Variants in MYH11 observed in about 807,000 individuals in gnomAD.
MYH11 encodes myosin heavy chain 11.
A neutral mutation model predicts 246.6 loss-of-function variants in MYH11; 80 were observed. That is an observed-to-expected ratio of 0.32 (90% CI 0.27 to 0.39). The LOEUF (loss-of-function observed/expected upper bound fraction) is 0.39, where lower values mean the gene tolerates loss of function less well. Among genes scored for constraint, MYH11 ranks in the 10% least tolerant of loss-of-function variants. MYH11 has a pLI of 1.00. For missense variants in MYH11, 2,158 were observed against 2,546.8 expected, an observed-to-expected ratio of 0.85 and a Z score of 3.29; for synonymous variants, 1,071 against 1,015.5, an observed-to-expected ratio of 1.05 and a Z score of -1.04.
intron 40 of MYH11, among the ~76,000 whole-genome samples, chr16:15,710,093 C>T (rs1044957826): frequency 6.6e-6 from 1 of 152,206 alleles, no homozygotes; most frequent in Admixed American, 6.5e-5. Flanking sequence ...CAGGACAGAC[C>T]TTCCACCTGC....
At position 15,720,910 on chromosome 16, in the gene MYH11, C is replaced by T. The variant is rs1266271367; in HGVS notation, c.4720G>A (p.Gly1574Ser). 4 of 1,613,878 alleles carry T rather than the reference C, an allele frequency of 2.5e-6. No individual in the cohort carries two copies. In the African/African-American group the frequency reaches 5.3e-5, roughly 22 times the overall value. ...GCTTGGAGATCCCTTTCGAACTGGC[C>T]CTTGAGCGCCTGCATGTTGACTTCC... ...RLEVNMQALKGQFERDLQARD... is the reference protein window; with the variant it reads ...RLEVNMQALKSQFERDLQARD... The change falls in exon 33 of 41, where the codon GGC becomes AGC. Residue 1574 changes from glycine to serine, a missense_variant. By Grantham distance (56) the Gly-to-Ser change is moderately conservative. Coordinates refer to ENST00000300036, the MANE Select transcript of MYH11 (RefSeq NM_002474.3).
intron 19 of MYH11, 90 bp downstream of exon 19, chr16:15,747,480 G>C (rs2041449408): frequency 6.8e-7 from 1 of 1,473,688 alleles, no homozygotes; most frequent in Non-Finnish European, 9.5e-7. Flanking sequence ...ATCTTAAACA[G>C]GTGGCCTCTT....
intron 3 of MYH11, among the ~76,000 whole-genome samples, chr16:15,800,621 A>G (rs2042861672): frequency 6.6e-6 from 1 of 150,946 alleles, no homozygotes; most frequent in Non-Finnish European, 1.5e-5. Flanking sequence ...GGATGGATGG[A>G]TGGATGGATG....
chr16:15,719,439 C>T lies in MYH11; in HGVS notation c.5083-131G>A. 6.1e-6 allele frequency: 9 copies of T among 1,479,684 alleles called. No individual in the cohort carries two copies. The South Asian group carries it at 6.9e-5, about 11-fold the overall frequency. The allele number at this position is 1,479,684 out of a possible 1,614,324, so 91.7% of individuals were successfully genotyped here. A position where few individuals can be genotyped will look rare whatever the true frequency, so the allele number is the denominator to read the frequency against. On this transcript the variant is annotated intron_variant, in intron 35 of 40. Transcript: ENST00000300036. The stretch of plus-strand genomic sequence containing the variant: ...GAGCTCAGGGGAGGCCCCGTGAATA[C>T]ATAGAGGAGGGAAGCGTGTGTCTTT...
intron 8 of MYH11, among the ~76,000 whole-genome samples, chr16:15,773,427 G>T (rs1399734086): frequency 6.6e-6 from 1 of 151,404 alleles, no homozygotes; most frequent in Non-Finnish European, 1.5e-5. Context: ...TGGGATTACA[G>T]GCACCCACCA....
intron 2 of MYH11, among the ~76,000 whole-genome samples, chr16:15,825,715 C>T (rs935606947): frequency 2.6e-5 from 4 of 152,166 alleles, no homozygotes; most frequent in Middle Eastern, 3.4e-3. Flanking sequence ...ATAATCAGAT[C>T]AGGGACGGAG....
At chr16:15,720,478 G>T (rs760821068) in intron 33 of MYH11, among the ~76,000 whole-genome samples, 166 bp from the exon 34 acceptor site, 3 of 152,070 alleles carry the variant, frequency 2.0e-5, no homozygotes, top group Non-Finnish European at 4.4e-5. Flanking sequence ...GGGCGTGGGT[G>T]GCTCATGTCT....
At chr16:15,769,745 C>G (rs2042057807) in intron 9 of MYH11, among the ~76,000 whole-genome samples, 1 of 152,190 alleles carries the variant, frequency 6.6e-6, no homozygotes, top group African/African-American at 2.4e-5. Flanking sequence ...TAAATGGTCT[C>G]ATTGTTTTCT....
At chr16:15,724,820 G>A (rs1024659152) in intron 29 of MYH11, 21 bp from the exon 30 acceptor site, 1 of 1,613,742 alleles carries the variant, frequency 6.2e-7, no homozygotes, top group Non-Finnish European at 8.5e-7. Flanking sequence ...GATGCAAAGA[G>A]GTCCCAGGGA....
chr16:15,734,667 A>T (rs189743799), intron 26 of MYH11, among the ~76,000 whole-genome samples: 1 of 152,330 alleles, frequency 6.6e-6, no homozygotes, highest in East Asian at 1.9e-4. Context: ...AAGCTTACCA[A>T]TGAGGATGGT....
chr16:15,814,744 T>C (rs2043225167), intron 3 of MYH11, among the ~76,000 whole-genome samples: 1 of 151,546 alleles, frequency 6.6e-6, no homozygotes, highest in African/African-American at 2.4e-5. Flanking sequence ...AAGGACTGGG[T>C]CAAATATAAG....
intron 4 of MYH11, among the ~76,000 whole-genome samples, chr16:15,796,891 C>T (rs1030327490): frequency 1.3e-5 from 2 of 152,138 alleles, no homozygotes; most frequent in Non-Finnish European, 2.9e-5. Context: ...CATTTATATC[C>T]TCATAGCTAG....
chr16:15,778,863 G>T lies in MYH11; in HGVS notation c.727-20C>A, dbSNP rs1020399570. 6.2e-7 allele frequency: 1 copy of T among 1,613,736 alleles called. No homozygotes were observed. The highest frequency in any genetic ancestry group is 2.2e-5 in the East Asian group (1 of 44,848). On this transcript the variant is annotated intron_variant, in intron 6 of 40. Transcript: ENST00000300036. ...TTTGCCCTGCCAACAGGAAAACACA[G>T]TTCAGGCTTTGCTGCCCAACTTCAG...
At chr16:15,766,787 G>A (rs2041993087) in intron 9 of MYH11, among the ~76,000 whole-genome samples, 1 of 152,184 alleles carries the variant, frequency 6.6e-6, no homozygotes, top group South Asian at 2.1e-4. Flanking sequence ...TGTAATTCCA[G>A]AAATGACAAA....
At position 15,856,333 on chromosome 16, in the gene MYH11, T is replaced by TAAA. The variant is rs548513969; in HGVS notation, c.-18+605_-18+607dup. 1.9e-3 allele frequency among the ~76,000 whole-genome samples: 268 copies of TAAA among 140,872 alleles called. 4 individuals are homozygous for TAAA. Among genetic ancestry groups the TAAA allele is most frequent in the African/African-American group, 6.4e-3 (246 of 38,534 alleles). 92.4% of individuals were successfully genotyped at this position (140,872 alleles called of 152,430 possible). Reference sequence around the variant, plus strand: ...ATAGAAGAACCTCCCCTAAACTGATTAAAAAAAAAAAACAACAACACTCCT... The same window carrying TAAA: ...ATAGAAGAACCTCCCCTAAACTGATTAAAAAAAAAAAAAAACAACAACACTCCT... On this transcript the variant is annotated intron_variant, in intron 1 of 40. Coordinates refer to ENST00000300036, the MANE Select transcript of MYH11 (RefSeq NM_002474.3).
chr16:15,833,031 C>CCA, intron 2 of MYH11, among the ~76,000 whole-genome samples: 1 of 121,056 alleles, frequency 8.3e-6, no homozygotes, highest in South Asian at 2.8e-4. Flanking sequence ...GGCACAATAT[C>CCA]ATGCCTGTAA....
At chr16:15,845,330 C>T (rs1201627901) in intron 1 of MYH11, among the ~76,000 whole-genome samples, 1 of 139,734 alleles carries the variant, frequency 7.2e-6, no homozygotes, top group Non-Finnish European at 1.5e-5. Context: ...CATCAGCTAT[C>T]ATTAGTGCTA....
chr16:15,716,554 C>G (rs1244555982), intron 38 of MYH11, among the ~76,000 whole-genome samples: 1 of 152,034 alleles, frequency 6.6e-6, no homozygotes, highest in Non-Finnish European at 1.5e-5. Flanking sequence ...AAGGGTCCCA[C>G]TGTGTCACCC....
chr16:15,756,532 G>A lies in MYH11; in HGVS notation c.1576-18C>T. 2.5e-6 allele frequency: 4 copies of A among 1,614,000 alleles called. No homozygotes were observed. Among genetic ancestry groups the A allele is most frequent in the Non-Finnish European group, 3.4e-6 (4 of 1,179,964 alleles). ...GGGTTGTTCTGTGGGAGACAAGTAGGGCTTGAATCAGAGAGAACACCCAAC... is the reference window on the plus strand; with the variant it reads ...GGGTTGTTCTGTGGGAGACAAGTAGAGCTTGAATCAGAGAGAACACCCAAC... On this transcript the variant is annotated intron_variant, in intron 13 of 40. Transcript: ENST00000300036.
Sources: allele counts gnomAD v4.1 joint callset (sites outside exome capture counted in the v4.1 genomes callset), GRCh38; gene constraint gnomAD v4.1.1; transcripts MANE v1.5; gene names NCBI Gene and HGNC (gene_info 2026-07-23, HGNC 2026-07-21).